Variants in ABCC4 observed in about 807,000 individuals in gnomAD.
ABCC4 encodes ATP binding cassette subfamily C member 4 (PEL blood group).
In ABCC4, 102 loss-of-function variants were observed where a neutral mutation model predicts 168.5. The ratio of observed to expected loss-of-function variants is 0.61; its 90% confidence interval spans 0.52 to 0.71. ABCC4 has a LOEUF of 0.71. Among genes scored for constraint, ABCC4 ranks in the 30% least tolerant of loss-of-function variants. ABCC4 has a pLI of 0.00. For synonymous variants in ABCC4, 617 were observed against 590.7 expected, an observed-to-expected ratio of 1.04 and a Z score of -0.65; for missense variants, 1,402 against 1,605.8, an observed-to-expected ratio of 0.87 and a Z score of 2.17.
Position 95,265,337 on chromosome 13 carries a change from A to G in ABCC4, c.75-17584T>C, listed in dbSNP as rs115622389. On this transcript the variant is annotated intron_variant, in intron 1 of 30. Transcript: ENST00000645237. ...TTTCTGTCAGGTTGAATTATTTCAA[A>G]ATAAAAAGTTAAAAGACACTACCAG... is the stretch of plus-strand genomic sequence containing the variant. Among the ~76,000 whole-genome samples the G allele has an allele frequency of 2.3e-3, 351 of 152,338 alleles. 2 individuals are homozygous for G. Among genetic ancestry groups the G allele is most frequent in the African/African-American group, 8.2e-3 (340 of 41,580 alleles).
intron 8 of ABCC4, among the ~76,000 whole-genome samples, chr13:95,204,074 G>A (rs558021082): frequency 1.3e-5 from 2 of 152,256 alleles, no homozygotes; most frequent in Non-Finnish European, 2.9e-5. Context: ...GACCTGGCCG[G>A]AGGGCTTAGT....
chr13:95,093,566 A>G (rs1374436034), intron 20 of ABCC4, among the ~76,000 whole-genome samples: 1 of 152,178 alleles, frequency 6.6e-6, no homozygotes, highest in East Asian at 1.9e-4. Flanking sequence ...GCCATCTATG[A>G]CAAACCCACA....
At chr13:95,034,480 C>T (rs2032032789) in intron 30 of ABCC4, 125 bp downstream of exon 30, 2 of 1,357,438 alleles carry the variant, frequency 1.5e-6, no homozygotes, top group Admixed American at 2.8e-5. Flanking sequence ...ACTCATGAAG[C>T]TTTGTCTCTG....
chr13:95,228,764 G>GAA (rs538224986), intron 4 of ABCC4, among the ~76,000 whole-genome samples: 173 of 120,384 alleles, frequency 1.4e-3, no homozygotes, highest in African/African-American at 4.6e-3. Context: ...ACTCTGTCTT[G>GAA]AAAAAAAAAA....
chr13:95,223,292 C>G (rs1043137993), intron 4 of ABCC4, among the ~76,000 whole-genome samples: 1 of 152,132 alleles, frequency 6.6e-6, no homozygotes, highest in African/African-American at 2.4e-5. Context: ...GAAAATTTAA[C>G]TCAGGGCAAT....
Position 95,164,467 on chromosome 13 carries a change from C to G in ABCC4, c.2086G>C (p.Val696Leu), listed in dbSNP as rs1167416814. ...LSEENRSEGKVGFQAYKNYFR... is the reference protein window; with the variant it reads ...LSEENRSEGKLGFQAYKNYFR... ...TAATTCTTATAGGCCTGAAAACCAA[C>G]TTTTCCTTCAGAACGGTTCTCCTCT... The change falls in exon 16 of 31, where the codon GTT (valine) becomes CTT (leucine). Residue 696 changes from valine to leucine, a missense_variant. Val to Leu is a conservative substitution (Grantham distance 32). This residue lies in a region of ABCC4 where 1,007 missense variants were observed against 1,127.3 expected (regional missense o/e 0.89). Coordinates refer to ENST00000645237, the MANE Select transcript of ABCC4 (RefSeq NM_005845.5). The G allele has an allele frequency of 6.2e-7, 1 of 1,614,024 alleles. No homozygotes were observed. The highest frequency in any genetic ancestry group is 1.3e-5 in the African/African-American group (1 of 74,910).
At chr13:95,283,361 GTTTTTTTTTTT>G (rs71113906) in intron 1 of ABCC4, among the ~76,000 whole-genome samples, 2 of 87,264 alleles carry the variant, frequency 2.3e-5, no homozygotes, top group African/African-American at 3.8e-5. Context: ...TTTTTCTGTG[GTTTTTTTTTTT>G]TTTTTTTTTT....
chr13:95,186,578 A>C, intron 11 of ABCC4, 123 bp downstream of exon 11: 1 of 824,986 alleles, frequency 1.2e-6, no homozygotes, highest in Non-Finnish European at 1.8e-6. Context: ...GGACCGCCTT[A>C]AAGTATTAAA....
chr13:95,088,460 G>T (rs2034327957), intron 20 of ABCC4, among the ~76,000 whole-genome samples: 1 of 152,122 alleles, frequency 6.6e-6, no homozygotes, highest in African/African-American at 2.4e-5. Context: ...CACTTTTCAA[G>T]TGCATCTTTA....
At chr13:95,270,340 GAAA>G (rs10583122) in intron 1 of ABCC4, among the ~76,000 whole-genome samples, 40,535 of 130,566 alleles carry the variant, frequency 0.31, 7,024 homozygotes, top group African/African-American at 0.51. Context: ...ACCAGGCTGT[GAAA>G]AAAAAAAAAA....
At chr13:95,131,210 G>C (rs779971100) in intron 19 of ABCC4, among the ~76,000 whole-genome samples, 1 of 152,170 alleles carries the variant, frequency 6.6e-6, no homozygotes, top group Non-Finnish European at 1.5e-5. Context: ...AACACAGTTT[G>C]TGTTTGATCT....
chr13:95,135,140 G>C lies in ABCC4; in HGVS notation c.2456-19139C>G, dbSNP rs141756666. On this transcript the variant is annotated intron_variant, in intron 19 of 30. Coordinates refer to ENST00000645237, the MANE Select transcript of ABCC4 (RefSeq NM_005845.5). ...ATGGTGGGTAGGAGAGACCAAATCA[G>C]AGACTCACAATTCATTCACTATTTC... Among the ~76,000 whole-genome samples the C allele has an allele frequency of 3.8e-3, 577 of 152,300 alleles. 4 individuals carry two copies. The highest frequency in any genetic ancestry group is 0.013 in the African/African-American group (543 of 41,570).
At chr13:95,201,587 A>G (rs2038626684) in intron 8 of ABCC4, among the ~76,000 whole-genome samples, 2 of 152,194 alleles carry the variant, frequency 1.3e-5, no homozygotes, top group Non-Finnish European at 2.9e-5. Context: ...TTAGGAAGGG[A>G]AAGAAATCTA....
chr13:95,058,567 C>CAAAAAAAAAAAAA (rs1165324016), intron 26 of ABCC4, among the ~76,000 whole-genome samples: 2 of 62,792 alleles, frequency 3.2e-5, no homozygotes, highest in Non-Finnish European at 2.9e-5. Flanking sequence ...GACTCCATCT[C>CAAAAAAAAAAAAA]AAAAAAAAAA....
Position 95,207,859 on chromosome 13 carries a change from C to A in ABCC4, c.852G>T (p.Arg284Ser). The change falls in exon 7 of 31, where the codon AGG (arginine) becomes AGT (serine). Residue 284 changes from arginine (R) to serine (S), a missense_variant. By Grantham distance (110) the Arg-to-Ser change is moderately radical (BLOSUM62 -1). Coordinates refer to ENST00000645237, the MANE Select transcript of ABCC4 (RefSeq NM_005845.5). ...TTTCCCAGGCGTACATTTTTATTATCCTTATACCAGTTATAACTTCATTCA... is the reference window on the plus strand; with the variant it reads ...TTTCCCAGGCGTACATTTTTATTATACTTATACCAGTTATAACTTCATTCA... ...RTMNEVITGI[R>S]IIKMYAWEKS... is the part of the protein sequence containing the mutation. The A allele has an allele frequency of 6.2e-7, 1 of 1,613,504 alleles. No homozygotes were observed.
intron 1 of ABCC4, among the ~76,000 whole-genome samples, chr13:95,288,699 G>T (rs994525345): frequency 1.4e-4 from 22 of 152,132 alleles, no homozygotes; most frequent in African/African-American, 5.3e-4. Context: ...CCAGCTACTC[G>T]GGAGGCTGAG....
In ABCC4 at chr13:95,092,089, G is replaced by C. The variant is rs7983244; in HGVS notation, c.2536-8799C>G. Among the ~76,000 whole-genome samples the C allele has an allele frequency of 5.2e-3, 785 of 152,214 alleles. 8 individuals are homozygous for C. Among genetic ancestry groups the C allele is most frequent in the African/African-American group, 0.018 (753 of 41,552 alleles). Reference sequence around the variant, plus strand: ...GAGGGACATTATCTAACAGTAAAAGGCCTTGTCCAAAAGGAAAATATCACA... The same window carrying C: ...GAGGGACATTATCTAACAGTAAAAGCCCTTGTCCAAAAGGAAAATATCACA... On this transcript the variant is annotated intron_variant, in intron 20 of 30. Transcript: ENST00000645237.
intron 10 of ABCC4, among the ~76,000 whole-genome samples, chr13:95,187,849 A>G (rs1174883326): frequency 1.3e-5 from 2 of 152,166 alleles, no homozygotes; most frequent in Non-Finnish European, 2.9e-5. Context: ...ATGCACAGAC[A>G]TGACGTGTCT....
At chr13:95,199,782 T>C (rs977375999) in intron 8 of ABCC4, among the ~76,000 whole-genome samples, 1 of 152,182 alleles carries the variant, frequency 6.6e-6, no homozygotes, top group African/African-American at 2.4e-5. Context: ...CAGGGTGAAT[T>C]GAAAATATGT....
Sources: allele counts gnomAD v4.1 joint callset (sites outside exome capture counted in the v4.1 genomes callset), GRCh38; gene constraint gnomAD v4.1.1; regional missense constraint gnomAD v4.1.1; transcripts MANE v1.5; gene names NCBI Gene and HGNC (gene_info 2026-07-23, HGNC 2026-07-21).